The following CPNE5 variants were observed in gnomAD, a reference collection of about 807,000 sequenced individuals.
The protein encoded by CPNE5 is copine-5.
Under a neutral mutation model 81.1 loss-of-function variants are expected in CPNE5, and 42 were observed. The observed-to-expected ratio is 0.52, with a 90% CI of 0.40 to 0.67. The LOEUF (loss-of-function observed/expected upper bound fraction) is 0.67, where lower values mean the gene tolerates loss of function less well. Ranked by LOEUF, CPNE5 falls within the 30% of genes least tolerant of loss-of-function variation. The probability of loss-of-function intolerance (pLI) is 0.00; values close to 1 mark genes in which losing one functional copy is unlikely to be tolerated. For synonymous variants in CPNE5, 313 were observed against 321.5 expected (o/e 0.97, Z 0.28); for missense variants, 612 against 815.5 (o/e 0.75, Z 3.04).
At chr6:36,825,352 C>G (rs1481553410) in intron 1 of CPNE5, among the ~76,000 whole-genome samples, 1 of 152,148 alleles carries the variant, frequency 6.6e-6, no homozygotes, top group Admixed American at 6.5e-5. Context: ...CCTAGAGATG[C>G]CCCCAAGAGA....
chr6:36,744,345 G>T lies in CPNE5; in HGVS notation c.1432-20C>A, dbSNP rs776205890. 1.1e-5 allele frequency: 18 copies of T among 1,571,946 alleles called. No individual in the cohort carries two copies. Among genetic ancestry groups the T allele is most frequent in the Non-Finnish European group, 1.6e-5 (18 of 1,157,618 alleles). On this transcript the variant is annotated intron_variant, in intron 18 of 20. Transcript: ENST00000244751. ...GGCAGCCTGGGAGACAGCATGGGGG[G>T]CAGGGAAAGGTTGGACCCAATTGGG...
chr6:36,819,372 T>TTACAG (rs1388082408), intron 3 of CPNE5, among the ~76,000 whole-genome samples: 7 of 152,224 alleles, frequency 4.6e-5, no homozygotes, highest in African/African-American at 1.7e-4. Context: ...AGTGCTGGGA[T>TTACAG]TACAGGCATG....
chr6:36,780,975 T>C (rs1767989207), intron 8 of CPNE5, among the ~76,000 whole-genome samples: 1 of 152,174 alleles, frequency 6.6e-6, no homozygotes, highest in African/African-American at 2.4e-5. Context: ...AAGTCATGCC[T>C]CTTCCAGTAC....
intron 14 of CPNE5, among the ~76,000 whole-genome samples, chr6:36,750,841 G>A (rs983299279): frequency 2.0e-5 from 3 of 152,212 alleles, no homozygotes; most frequent in African/African-American, 7.2e-5. Context: ...GGAAAGGCAG[G>A]CCTTGCTCTA....
chr6:36,807,809 G>A lies in CPNE5; in HGVS notation c.184-7739C>T, dbSNP rs142641365. 1.5e-3 allele frequency among the ~76,000 whole-genome samples: 235 copies of A among 152,152 alleles called. 2 individuals carry two copies. Among genetic ancestry groups the A allele is most frequent in the African/African-American group, 5.3e-3 (220 of 41,516 alleles). On this transcript the variant is annotated intron_variant, in intron 3 of 20. Transcript: ENST00000244751. ...AGGATCCAGGCCCTACTCTCCCTAC[G>A]GGCTACCCACAACACCAGGGTCCTT...
intron 1 of CPNE5, among the ~76,000 whole-genome samples, chr6:36,828,703 G>A (rs971473957): frequency 3.3e-5 from 5 of 152,140 alleles, no homozygotes; most frequent in East Asian, 1.9e-4. Context: ...TTAGCTACCC[G>A]AAGACATTCA....
At chr6:36,805,283 AG>A (rs538255916) in intron 3 of CPNE5, among the ~76,000 whole-genome samples, 20 of 152,360 alleles carry the variant, frequency 1.3e-4, no homozygotes, top group Non-Finnish European at 2.2e-4. Flanking sequence ...GGGAAGGAGC[AG>A]GGGGGTTAAC....
intron 6 of CPNE5, among the ~76,000 whole-genome samples, chr6:36,797,148 C>A (rs114752858): frequency 6.6e-6 from 1 of 152,232 alleles, no homozygotes; most frequent in Non-Finnish European, 1.5e-5. Context: ...CTCAGGCGAT[C>A]CATCGCCTTG....
intron 1 of CPNE5, among the ~76,000 whole-genome samples, chr6:36,831,632 C>T (rs1772996547): frequency 2.2e-5 from 2 of 92,838 alleles, no homozygotes; most frequent in Non-Finnish European, 3.9e-5. Context: ...GAGTGAGACA[C>T]CATCTCAAAA....
chr6:36,825,317 C>T (rs547172623), intron 1 of CPNE5, among the ~76,000 whole-genome samples: 1 of 152,330 alleles, frequency 6.6e-6, no homozygotes, highest in East Asian at 1.9e-4. Flanking sequence ...CATTAATACC[C>T]CCAGCTCCAG....
At chr6:36,751,309 C>A (rs564900529) in intron 14 of CPNE5, among the ~76,000 whole-genome samples, 10 of 152,210 alleles carry the variant, frequency 6.6e-5, no homozygotes, top group Non-Finnish European at 1.3e-4. Context: ...CCACCCCACC[C>A]GCTAACTGCA....
At chr6:36,793,379 C>A (rs1461868294) in intron 7 of CPNE5, among the ~76,000 whole-genome samples, 1 of 152,294 alleles carries the variant, frequency 6.6e-6, no homozygotes, top group East Asian at 1.9e-4. Context: ...TAGACTTGGG[C>A]AGCTGAGCTG....
intron 12 of CPNE5, among the ~76,000 whole-genome samples, chr6:36,758,742 C>A (rs1390994885): frequency 2.6e-5 from 4 of 151,990 alleles, no homozygotes; most frequent in Non-Finnish European, 5.9e-5. Context: ...TTGGGGTGAC[C>A]AGGTAGACAC....
chr6:36,744,968 TA>T, intron 18 of CPNE5, 79 bp downstream of exon 18: 1 of 967,802 alleles, frequency 1.0e-6, no homozygotes, highest in Non-Finnish European at 1.7e-6. Context: ...GTCAAGGAGG[TA>T]GGCACATCCC....
chr6:36,761,300 A>G (rs1010383783), intron 12 of CPNE5, among the ~76,000 whole-genome samples: 4 of 152,266 alleles, frequency 2.6e-5, no homozygotes, highest in Non-Finnish European at 5.9e-5. Context: ...CCTTTCAAAT[A>G]AATTCATCCA....
chr6:36,801,794 G>A (rs1770123499), intron 3 of CPNE5, among the ~76,000 whole-genome samples: 1 of 152,176 alleles, frequency 6.6e-6, no homozygotes. Flanking sequence ...AGTGACCAGG[G>A]GCAGGGTGGA....
At chr6:36,769,669 C>T (rs534735577) in intron 10 of CPNE5, among the ~76,000 whole-genome samples, 272 of 152,328 alleles carry the variant, frequency 1.8e-3, no homozygotes, top group African/African-American at 6.1e-3. Context: ...AGACTGGCAG[C>T]AATCTCGGCC....
At position 36,752,962 on chromosome 6, in the gene CPNE5, G is replaced by A. The variant is rs545956277; in HGVS notation, c.971+72C>T. On this transcript the variant is annotated intron_variant, in intron 14 of 20. Transcript: ENST00000244751. ...TTGAAGAGGCCAGGGTGGGGCCAGAGCCGGTCCTGTCGGTGTGTGGGGCCC... is the reference window on the plus strand; with the variant it reads ...TTGAAGAGGCCAGGGTGGGGCCAGAACCGGTCCTGTCGGTGTGTGGGGCCC... The A allele has an allele frequency of 2.2e-5, 28 of 1,296,150 alleles. No individual in the cohort carries two copies. In the South Asian group the frequency reaches 3.2e-4, roughly 15 times the overall value. The allele number at this position is 1,296,150 out of a possible 1,614,324, so 80.3% of individuals were successfully genotyped here.
At chr6:36,830,120 C>T (rs1052000464) in intron 1 of CPNE5, among the ~76,000 whole-genome samples, 1 of 152,184 alleles carries the variant, frequency 6.6e-6, no homozygotes, top group African/African-American at 2.4e-5. Flanking sequence ...AGAGGCTGAG[C>T]GATGTGCCTG....
Sources: gnomAD v4.1 joint callset for allele counts (sites outside exome capture counted in the v4.1 genomes callset) on GRCh38, gnomAD v4.1.1 for gene constraint, MANE v1.5 for transcripts, NCBI Gene and HGNC (gene_info 2026-07-23, HGNC 2026-07-21) for gene names.